Variants in ULK4 observed in about 807,000 individuals in gnomAD.
ULK4 encodes the protein inactive serine/threonine-protein kinase ULK4.
ULK4 carries 133 observed loss-of-function variants against 160.6 expected under a neutral mutation model. The ratio of observed to expected loss-of-function variants is 0.83; its 90% CI spans 0.72 to 0.96. The LOEUF (loss-of-function observed/expected upper bound fraction) is 0.96, where lower values mean the gene tolerates loss of function less well. Among genes scored for constraint, ULK4 ranks in the 40% least tolerant of loss-of-function variants. The pLI is 0.00. For synonymous variants in ULK4, 534 were observed against 539.8 expected, an observed-to-expected ratio of 0.99 and a Z score of 0.15; for missense variants, 1,580 against 1,499.5, an observed-to-expected ratio of 1.05 and a Z score of -0.89.
At chr3:41,517,619 C>G (rs771323364) in intron 32 of ULK4, among the ~76,000 whole-genome samples, 8 of 152,162 alleles carry the variant, frequency 5.3e-5, no homozygotes, top group Non-Finnish European at 1.2e-4. Flanking sequence ...GGAACAGTCT[C>G]TAGAAAAATA....
chr3:41,488,991 C>A (rs1020312652), intron 32 of ULK4, among the ~76,000 whole-genome samples: 1 of 152,122 alleles, frequency 6.6e-6, no homozygotes, highest in East Asian at 1.9e-4. Context: ...TTGGTGAGCA[C>A]CCCTCCCACT....
intron 25 of ULK4, among the ~76,000 whole-genome samples, chr3:41,707,019 T>C (rs2036926298): frequency 6.6e-6 from 1 of 151,932 alleles, no homozygotes; most frequent in African/African-American, 2.4e-5. Context: ...ACATTTCCAA[T>C]TGGTTGTATA....
intron 32 of ULK4, among the ~76,000 whole-genome samples, chr3:41,535,569 TG>T (rs1262282137): frequency 3.3e-5 from 5 of 152,204 alleles, no homozygotes; most frequent in African/African-American, 1.2e-4. Flanking sequence ...GAGGCAGAAT[TG>T]ATCAAAAGCA....
chr3:41,426,251 G>A (rs11129906), intron 34 of ULK4, among the ~76,000 whole-genome samples: 17,486 of 152,082 alleles, frequency 0.11, 1,172 homozygotes, highest in Admixed American at 0.16. Context: ...ATATGCACCC[G>A]ATACAGGAGA....
In ULK4 at chr3:41,804,914, C is replaced by T. The variant is rs1173249746; in HGVS notation, c.1849-4621G>A. Among the ~76,000 whole-genome samples the T allele has an allele frequency of 2.5e-3, 386 of 152,046 alleles. 3 individuals carry two copies. The East Asian group carries it at 0.038, about 15-fold the overall frequency. ...TGTAGTATAGTTTGAAGTCAGGTAGCGTGATGCCTCCAGCTTTGTTCTTTT... is the reference window on the plus strand; with the variant it reads ...TGTAGTATAGTTTGAAGTCAGGTAGTGTGATGCCTCCAGCTTTGTTCTTTT... On this transcript the variant is annotated intron_variant, in intron 19 of 36. Coordinates refer to ENST00000301831, the MANE Select transcript of ULK4 (RefSeq NM_017886.4).
intron 27 of ULK4, among the ~76,000 whole-genome samples, chr3:41,687,175 C>T (rs1037706300): frequency 4.6e-5 from 7 of 152,114 alleles, no homozygotes; most frequent in African/African-American, 1.7e-4. Context: ...GAGATCAAGA[C>T]CATCCTGGCC....
intron 27 of ULK4, among the ~76,000 whole-genome samples, chr3:41,699,088 C>T (rs2036588884): frequency 6.6e-6 from 1 of 152,072 alleles, no homozygotes; most frequent in African/African-American, 2.4e-5. Flanking sequence ...ACTTTTAGCT[C>T]ATTTCTATTG....
At position 41,388,750 on chromosome 3, in the gene ULK4, C is replaced by T. The variant is rs1390097807; in HGVS notation, c.3678+9329G>A. Among the ~76,000 whole-genome samples, 4 of 152,126 alleles carry T rather than the reference C, an allele frequency of 2.6e-5. No individual in the cohort carries two copies. The East Asian group carries it at 5.8e-4, about 22-fold the overall frequency. ...TTGATCTATATCTCTGTTTTGGTAC[C>T]AGTACCATGCTGTTTTGGTTACTGT... On this transcript the variant is annotated intron_variant, in intron 35 of 36. Transcript: ENST00000301831.
At chr3:41,270,925 C>A (rs1471837384) in intron 35 of ULK4, among the ~76,000 whole-genome samples, 2 of 152,106 alleles carry the variant, frequency 1.3e-5, no homozygotes, top group African/African-American at 4.8e-5. Context: ...TAAACTATTT[C>A]TTTAAAGATA....
At chr3:41,867,723 G>C (rs1298215895) in intron 17 of ULK4, among the ~76,000 whole-genome samples, 2 of 152,232 alleles carry the variant, frequency 1.3e-5, no homozygotes, top group Non-Finnish European at 2.9e-5. Context: ...GTGATGCACA[G>C]AGTCTTCAGA....
chr3:41,471,983 A>G (rs2084005792), intron 32 of ULK4, among the ~76,000 whole-genome samples: 1 of 151,782 alleles, frequency 6.6e-6, no homozygotes, highest in South Asian at 2.1e-4. Flanking sequence ...TTTTAGCAGA[A>G]AAATTAAAAA....
At position 41,789,802 on chromosome 3, in the gene ULK4, C is replaced by G. The variant is rs1193445278; in HGVS notation, c.2052G>C (p.Gln684His). Residue 684 changes from glutamine to histidine, a missense_variant, in exon 21 of 37, where the codon CAG becomes CAC. Coordinates refer to ENST00000301831, the MANE Select transcript of ULK4 (RefSeq NM_017886.4). ...TCAGTCCCACCTTTTCAATAACATT[C>G]TGGAAGGCAGTAGGAGAATGGCGAG... is the stretch of plus-strand genomic sequence containing the variant. ...RITRHSPTAF[Q>H]NVIEKVGLNS... is the part of the protein sequence containing the mutation. The G allele has an allele frequency of 8.1e-6, 13 of 1,613,210 alleles. No individual in the cohort carries two copies. Among genetic ancestry groups the G allele is most frequent in the Non-Finnish European group, 1.1e-5 (13 of 1,179,696 alleles).
intron 32 of ULK4, among the ~76,000 whole-genome samples, chr3:41,484,935 T>C (rs1055970331): frequency 2.0e-5 from 3 of 152,212 alleles, no homozygotes; most frequent in Non-Finnish European, 4.4e-5. Context: ...TCAATAAAGA[T>C]GTATGATAAC....
chr3:41,361,776 GA>G (rs1413759057), intron 35 of ULK4, among the ~76,000 whole-genome samples: 1 of 152,056 alleles, frequency 6.6e-6, no homozygotes, highest in African/African-American at 2.4e-5. Flanking sequence ...TTGATATGAT[GA>G]ATTTTCATTC....
chr3:41,705,022 A>C, intron 27 of ULK4, 35 bp downstream of exon 27: 1 of 1,542,658 alleles, frequency 6.5e-7, no homozygotes, highest in Non-Finnish European at 8.8e-7. Flanking sequence ...AAGTAAATTT[A>C]AAAGGAGCTT....
chr3:41,458,314 T>A (rs978450747), intron 33 of ULK4, among the ~76,000 whole-genome samples: 4 of 152,206 alleles, frequency 2.6e-5, no homozygotes, highest in African/African-American at 9.6e-5. Context: ...GGGGACTGAA[T>A]CATATTCATC....
At position 41,279,257 on chromosome 3, in the gene ULK4, A is replaced by AAAAG. The variant is rs1433232159; in HGVS notation, c.3679-29684_3679-29683insCTTT. Among the ~76,000 whole-genome samples the AAAAG allele has an allele frequency of 4.7e-3, 536 of 115,154 alleles. 4 individuals are homozygous for AAAAG. Among genetic ancestry groups the AAAAG allele is most frequent in the African/African-American group, 0.019 (495 of 26,168 alleles). The allele number at this position is 115,154 out of a possible 152,430, so 75.5% of individuals were successfully genotyped here. A position where few individuals can be genotyped will look rare whatever the true frequency, so the allele number is the denominator to read the frequency against. ...GAAAAGATTAGAGAAAAAAAGAGTA[A>AAAAG]AAAAAAAAAAAAAAAAAACAAAACG... On this transcript the variant is annotated intron_variant, in intron 35 of 36. Transcript: ENST00000301831.
intron 35 of ULK4, among the ~76,000 whole-genome samples, chr3:41,271,153 C>A (rs1286929376): frequency 6.6e-6 from 1 of 152,154 alleles, no homozygotes; most frequent in Non-Finnish European, 1.5e-5. Context: ...ACCAACACCA[C>A]ATCAAGACAG....
At chr3:41,652,763 A>G (rs1352561276) in intron 30 of ULK4, among the ~76,000 whole-genome samples, 1 of 152,194 alleles carries the variant, frequency 6.6e-6, no homozygotes, top group African/African-American at 2.4e-5. Flanking sequence ...GACTGTTCTT[A>G]TAAGTGTGAC....
Sources: allele counts gnomAD v4.1 joint callset (sites outside exome capture counted in the v4.1 genomes callset), GRCh38; gene constraint gnomAD v4.1.1; transcripts MANE v1.5; gene names NCBI Gene and HGNC (gene_info 2026-07-23, HGNC 2026-07-21).